Variants in AOPEP observed in about 807,000 individuals in gnomAD.
AOPEP encodes the protein aminopeptidase O.
In AOPEP, 77 loss-of-function variants were observed where a neutral mutation model predicts 98.1. The ratio of observed to expected loss-of-function variants is 0.78; its 90% CI spans 0.65 to 0.95. The LOEUF is 0.95. Among genes scored for constraint, AOPEP ranks in the 40% least tolerant of loss-of-function variants. The pLI, the probability that AOPEP is intolerant of heterozygous loss-of-function variation, is 0.00. For missense variants in AOPEP, 1,024 were observed against 1,024.7 expected (o/e 1.00, Z 0.01); for synonymous variants, 346 against 365.3 (o/e 0.95, Z 0.60).
the AOPEP span, chr9:95,114,692 C>T: frequency 6.2e-7 from 1 of 1,614,080 alleles, no homozygotes; most frequent in Non-Finnish European, 8.5e-7. Context: ...TGTCTGGAGC[C>T]AGTGTCCCCG....
chr9:94,804,317 A>G (rs544930745), intron 5 of AOPEP, among the ~76,000 whole-genome samples: 1 of 152,346 alleles, frequency 6.6e-6, no homozygotes, highest in African/African-American at 2.4e-5. Context: ...ATTACATGTC[A>G]TGGCATAGTT....
At position 94,773,063 on chromosome 9, in the gene AOPEP, C is replaced by G; in HGVS notation, c.859C>G (p.Pro287Ala). 1.2e-6 allele frequency: 2 copies of G among 1,614,090 alleles called. No homozygotes were observed. The highest frequency in any genetic ancestry group is 1.7e-6 in the Non-Finnish European group (2 of 1,179,980). Residue 287 changes from proline (P) to alanine (A), a missense_variant, in exon 3 of 17, where the codon CCA (proline) becomes GCA (alanine). By Grantham distance (27) the Pro-to-Ala change is conservative (BLOSUM62 -1). Coordinates refer to ENST00000375315, the MANE Select transcript of AOPEP (RefSeq NM_001193329.3). Reference protein sequence around the residue: ...NNRALFPCQEPPVAMSTWQAT... With the variant: ...NNRALFPCQEAPVAMSTWQAT... ...CAGGGCCCTTTTTCCATGCCAGGAGCCACCCGTTGCCATGTCAACATGGCA... is the reference window on the plus strand; with the variant it reads ...CAGGGCCCTTTTTCCATGCCAGGAGGCACCCGTTGCCATGTCAACATGGCA...
At chr9:94,950,158 C>G (rs1261241495) in intron 7 of AOPEP, among the ~76,000 whole-genome samples, 5 of 152,166 alleles carry the variant, frequency 3.3e-5, no homozygotes, top group African/African-American at 1.2e-4. Flanking sequence ...CCAGCTTTCC[C>G]CCATGACAGC....
chr9:94,791,641 C>T (rs934891536), intron 3 of AOPEP, among the ~76,000 whole-genome samples: 10 of 152,034 alleles, frequency 6.6e-5, no homozygotes, highest in African/African-American at 1.9e-4. Context: ...ACTGTGATCA[C>T]GCCACTGCAT....
At chr9:94,986,433 T>G (rs1589169783) in intron 11 of AOPEP, among the ~76,000 whole-genome samples, 2 of 152,172 alleles carry the variant, frequency 1.3e-5, no homozygotes, top group African/African-American at 4.8e-5. Flanking sequence ...TTTACCTTAT[T>G]CACAGTACGT....
At chr9:94,850,053 A>G (rs1488492903) in intron 5 of AOPEP, among the ~76,000 whole-genome samples, 7 of 144,032 alleles carry the variant, frequency 4.9e-5, no homozygotes, top group Non-Finnish European at 9.1e-5. Flanking sequence ...AAAAAAAAAG[A>G]CTATCTAATG....
At chr9:95,132,766 T>C in the AOPEP span, among the ~76,000 whole-genome samples, 1 of 152,208 alleles carries the variant, frequency 6.6e-6, no homozygotes, top group East Asian at 1.9e-4. Flanking sequence ...ATGGAAAATA[T>C]CAGACCTGCG....
chr9:94,861,312 T>C (rs1369036842), intron 5 of AOPEP, among the ~76,000 whole-genome samples: 1 of 152,210 alleles, frequency 6.6e-6, no homozygotes, highest in Non-Finnish European at 1.5e-5. Flanking sequence ...AGGATGGCTG[T>C]TTATTAATTG....
intron 5 of AOPEP, chr9:94,824,613 A>C (rs572781481): frequency 6.6e-5 from 10 of 152,358 alleles, no homozygotes; most frequent in Admixed American, 2.6e-4. Context: ...CATTTGCAGA[A>C]GGGTGGAACC....
chr9:95,026,385 A>C (rs1434178502), intron 13 of AOPEP, among the ~76,000 whole-genome samples: 2 of 152,160 alleles, frequency 1.3e-5, no homozygotes, highest in African/African-American at 2.4e-5. Context: ...GCAACCTGTA[A>C]ATCTACTTCT....
chr9:95,000,887 T>C (rs1471693074), intron 11 of AOPEP, among the ~76,000 whole-genome samples: 1 of 152,204 alleles, frequency 6.6e-6, no homozygotes, highest in Admixed American at 6.5e-5. Flanking sequence ...CTGAAACCAG[T>C]GGAAGCTTCT....
At chr9:94,779,862 GT>G (rs1842906755) in intron 3 of AOPEP, among the ~76,000 whole-genome samples, 1 of 152,012 alleles carries the variant, frequency 6.6e-6, no homozygotes, top group Non-Finnish European at 1.5e-5. Context: ...GTAAACTTTT[GT>G]TTACACAGCA....
intron 5 of AOPEP, among the ~76,000 whole-genome samples, chr9:94,878,425 G>A (rs1588670986): frequency 6.6e-6 from 1 of 151,398 alleles, no homozygotes; most frequent in East Asian, 1.9e-4. Flanking sequence ...GGGTTCAAGG[G>A]CAGTCTTCCT....
chr9:94,918,592 T>C (rs1180709837), intron 5 of AOPEP, among the ~76,000 whole-genome samples: 1 of 152,222 alleles, frequency 6.6e-6, no homozygotes, highest in Non-Finnish European at 1.5e-5. Context: ...CTGGCTCTAT[T>C]GCTTGCCAGC....
At chr9:94,800,466 A>G (rs1847970104) in intron 4 of AOPEP, among the ~76,000 whole-genome samples, 1 of 152,134 alleles carries the variant, frequency 6.6e-6, no homozygotes, top group South Asian at 2.1e-4. Context: ...TATTGTTTGG[A>G]GTCTTTAGAG....
chr9:94,792,218 C>A (rs1471186831), intron 3 of AOPEP, among the ~76,000 whole-genome samples: 1 of 152,208 alleles, frequency 6.6e-6, no homozygotes, highest in African/African-American at 2.4e-5. Context: ...ACCTGAACTC[C>A]CACAGCTAAT....
intron 9 of AOPEP, among the ~76,000 whole-genome samples, chr9:94,960,121 T>C (rs1307399584): frequency 3.9e-5 from 6 of 152,192 alleles, no homozygotes; most frequent in Non-Finnish European, 7.4e-5. Context: ...CTGTAAAAGA[T>C]GAGGAATTGG....
chr9:94,941,753 C>T (rs904295977), intron 7 of AOPEP, among the ~76,000 whole-genome samples: 1 of 152,162 alleles, frequency 6.6e-6, no homozygotes, highest in South Asian at 2.1e-4. Flanking sequence ...AGAGAATTCT[C>T]CATAGACCCC....
At position 94,967,799 on chromosome 9, in the gene AOPEP, A is replaced by C; in HGVS notation, c.1914A>C (p.Lys638Asn). The change falls in exon 10 of 17, where the codon AAA becomes AAC. Residue 638 changes from lysine to asparagine, a missense_variant and splice_region_variant. Physicochemically the swap from Lys to Asn is moderately conservative, Grantham distance 94 (BLOSUM62 0). This residue lies in a region of AOPEP where 566 missense variants were observed against 551.7 expected (regional missense o/e 1.03). Coordinates refer to ENST00000375315, the MANE Select transcript of AOPEP (RefSeq NM_001193329.3). Reference sequence around the variant, plus strand: ...TACTGGAGAACATTCCAGAAGAAAAAAGGTAAGGACCAATTTAGGAATTTT... The same window carrying C: ...TACTGGAGAACATTCCAGAAGAAAACAGGTAAGGACCAATTTAGGAATTTT... ...QMLLENIPEE[K>N]RLELSVENIY... 6.2e-7 allele frequency: 1 copy of C among 1,612,760 alleles called. No homozygotes were observed. The highest frequency in any genetic ancestry group is 2.2e-5 in the East Asian group (1 of 44,868).
Sources: allele counts gnomAD v4.1 joint callset (sites outside exome capture counted in the v4.1 genomes callset), GRCh38; gene constraint gnomAD v4.1.1; regional missense constraint gnomAD v4.1.1; transcripts MANE v1.5; gene names NCBI Gene and HGNC (gene_info 2026-07-23, HGNC 2026-07-21).